Variants in MRPL42 observed in about 807,000 individuals in gnomAD.
MRPL42 encodes large ribosomal subunit protein mL42.
MRPL42 carries 17 observed loss-of-function variants against 17.9 expected under a neutral mutation model. That is an observed-to-expected ratio of 0.95 (90% confidence interval 0.65 to 1.42). The LOEUF (loss-of-function observed/expected upper bound fraction) is 1.42, where lower values mean the gene tolerates loss of function less well. MRPL42 is among the 40% of genes most tolerant of loss of function. The probability of loss-of-function intolerance (pLI) is 0.00; values close to 1 mark genes in which losing one functional copy is unlikely to be tolerated. For missense variants in MRPL42, 177 were observed against 175.2 expected (o/e 1.01, Z -0.06); for synonymous variants, 59 against 54.4 (o/e 1.08, Z -0.37).
At chr12:93,491,358 T>C (rs933320661) in intron 5 of MRPL42, among the ~76,000 whole-genome samples, 1 of 152,242 alleles carries the variant, frequency 6.6e-6, no homozygotes, top group Admixed American at 6.5e-5. Flanking sequence ...CATCTTTTCA[T>C]GTGCTTATTG....
rs1024821537 is a variant in MRPL42 at position 93,510,462 on chromosome 12, A to G, written c.*9241A>G. Reference sequence around the variant, plus strand: ...TTTCAACTCCTTTGGGTAAATACCAAAGAGCACAATTGTTGGATTGAATGC... The same window carrying G: ...TTTCAACTCCTTTGGGTAAATACCAGAGAGCACAATTGTTGGATTGAATGC... On this transcript the variant is annotated 3_prime_UTR_variant, in exon 6 of 6. Transcript: ENST00000549982. The G allele has an allele frequency of 6.6e-6, 1 of 152,242 alleles. No homozygotes were observed. Among genetic ancestry groups the G allele is most frequent in the Non-Finnish European group, 1.5e-5 (1 of 68,050 alleles). The allele number at this position is 152,242 out of a possible 1,614,324, so 9.4% of individuals were successfully genotyped here.
At chr12:93,476,808 G>A (rs995348907) in intron 2 of MRPL42, 146 bp from the exon 3 acceptor site, 10 of 696,846 alleles carry the variant, frequency 1.4e-5, no homozygotes, top group Non-Finnish European at 2.5e-5. Flanking sequence ...ACTGAGTCTT[G>A]TTTGTTGTTG....
rs1296927601 is a variant in MRPL42, at chr12:93,513,245, G to A, written c.*12024G>A. 7.0e-6 allele frequency: 1 copy of A among 142,800 alleles called. No homozygotes were observed. Among genetic ancestry groups the A allele is most frequent in the Non-Finnish European group, 1.5e-5 (1 of 66,790 alleles). The allele number at this position is 142,800 out of a possible 1,614,324, so 8.8% of individuals were successfully genotyped here. ...CTCATTCATTTTATTGCCCAGGCTG[G>A]AGTGCAGTGGTGCAATCGTAGCTCA... On this transcript the variant is annotated 3_prime_UTR_variant, in exon 6 of 6. Transcript: ENST00000549982.
At position 93,501,157 on chromosome 12, in the gene MRPL42, G is replaced by A; in HGVS notation, c.384-19G>A. The A allele has an allele frequency of 6.4e-7, 1 of 1,561,154 alleles. No individual in the cohort carries two copies. The highest frequency in any genetic ancestry group is 8.7e-7 in the Non-Finnish European group (1 of 1,151,098). On this transcript the variant is annotated intron_variant, in intron 5 of 5. Coordinates refer to ENST00000549982, the MANE Select transcript of MRPL42 (RefSeq NM_014050.4). The stretch of plus-strand genomic sequence containing the variant: ...TTTTATTAAAATCATCTTATTCCAA[G>A]TATTTTCTTCTTTTCAAGGTATCAC...
chr12:93,476,283 T>G (rs1043213703), intron 2 of MRPL42, among the ~76,000 whole-genome samples: 2 of 151,956 alleles, frequency 1.3e-5, no homozygotes, highest in Non-Finnish European at 2.9e-5. Context: ...GCCTCCTGGG[T>G]TCGAGCAATT....
intron 5 of MRPL42, among the ~76,000 whole-genome samples, chr12:93,491,234 A>T (rs1341684273): frequency 1.3e-5 from 2 of 152,218 alleles, no homozygotes; most frequent in East Asian, 3.8e-4. Flanking sequence ...ATGCAGAAGT[A>T]TTTAAAATAT....
rs1485014173 is a variant in MRPL42 at position 93,487,540 on chromosome 12, A to G, written c.263A>G (p.His88Arg). ...CCTGTGCATAATAATGAAGAAACACATGATCAAGTGCTGAAAACCAGATTG... is the reference window on the plus strand; with the variant it reads ...CCTGTGCATAATAATGAAGAAACACGTGATCAAGTGCTGAAAACCAGATTG... Reference protein sequence around the residue: ...PDPVHNNEETHDQVLKTRLEE... With the variant: ...PDPVHNNEETRDQVLKTRLEE... The change falls in exon 5 of 6, where the codon CAT becomes CGT. Residue 88 changes from histidine to arginine, a missense_variant. By Grantham distance (29) the His-to-Arg change is conservative (BLOSUM62 0). Coordinates refer to ENST00000549982, the MANE Select transcript of MRPL42 (RefSeq NM_014050.4). 1.2e-6 allele frequency: 2 copies of G among 1,613,964 alleles called. No homozygotes were observed. The highest frequency in any genetic ancestry group is 1.7e-6 in the Non-Finnish European group (2 of 1,179,856).
At chr12:93,499,743 A>C (rs539795490) in intron 5 of MRPL42, among the ~76,000 whole-genome samples, 2 of 152,282 alleles carry the variant, frequency 1.3e-5, no homozygotes, top group East Asian at 3.9e-4. Flanking sequence ...CGTTCATTTC[A>C]ACTTAATTCC....
Position 93,477,035 on chromosome 12 carries a change from A to G in MRPL42, c.134+18A>G, listed in dbSNP as rs375874469. On this transcript the variant is annotated intron_variant, in intron 3 of 5. Coordinates refer to ENST00000549982, the MANE Select transcript of MRPL42 (RefSeq NM_014050.4). Reference sequence around the variant, plus strand: ...TATAATTGGTATGTATTAAAATTCAATTGAAGAAATAATAGTCTTAGCTAT... The same window carrying G: ...TATAATTGGTATGTATTAAAATTCAGTTGAAGAAATAATAGTCTTAGCTAT... 106 of 1,514,562 alleles carry G rather than the reference A, an allele frequency of 7.0e-5. No homozygotes were observed. Among genetic ancestry groups the G allele is most frequent in the African/African-American group, 5.2e-4 (38 of 72,418 alleles). 93.8% of individuals were successfully genotyped at this position (1,514,562 alleles called of 1,614,324 possible). A position where few individuals can be genotyped will look rare whatever the true frequency, so the allele number is the denominator to read the frequency against.
intron 4 of MRPL42, among the ~76,000 whole-genome samples, chr12:93,484,142 C>CT (rs1381251198): frequency 1.3e-5 from 2 of 151,910 alleles, no homozygotes; most frequent in South Asian, 2.1e-4. Flanking sequence ...TTACAATTGA[C>CT]TTTTTTTTAA....
In MRPL42 at chr12:93,509,203, A is replaced by AAAC. The variant is rs398020647; in HGVS notation, c.*7982_*7983insAAC. The AAAC allele has an allele frequency of 6.6e-6, 1 of 151,084 alleles. No individual in the cohort carries two copies. The highest frequency in any genetic ancestry group is 1.5e-5 in the Non-Finnish European group (1 of 67,706). The allele number at this position is 151,084 out of a possible 1,614,324, so 9.4% of individuals were successfully genotyped here. A position where few individuals can be genotyped will look rare whatever the true frequency, so the allele number is the denominator to read the frequency against. ...ATTCCGTCTCAAAAAAAAAAAAAAA[A>AAAC]CTGCCAAAACGCTTTTTGCAAAGTG... On this transcript the variant is annotated 3_prime_UTR_variant, in exon 6 of 6. Coordinates refer to ENST00000549982, the MANE Select transcript of MRPL42 (RefSeq NM_014050.4).
At chr12:93,490,637 TTGTC>T (rs751534388) in intron 5 of MRPL42, among the ~76,000 whole-genome samples, 60 of 152,350 alleles carry the variant, frequency 3.9e-4, no homozygotes, top group Non-Finnish European at 7.1e-4. Context: ...TTCTTTCTTT[TTGTC>T]TGTCTATCTG....
At position 93,506,093 on chromosome 12, in the gene MRPL42, A is replaced by T. The variant is rs1036003931; in HGVS notation, c.*4872A>T. The T allele has an allele frequency of 6.6e-6, 1 of 151,128 alleles. No homozygotes were observed. Among genetic ancestry groups the T allele is most frequent in the African/African-American group, 2.4e-5 (1 of 40,968 alleles). 9.4% of individuals were successfully genotyped at this position (151,128 alleles called of 1,614,324 possible). A position where few individuals can be genotyped will look rare whatever the true frequency, so the allele number is the denominator to read the frequency against. On this transcript the variant is annotated 3_prime_UTR_variant, in exon 6 of 6. Coordinates refer to ENST00000549982, the MANE Select transcript of MRPL42 (RefSeq NM_014050.4). ...GAGCGTGCACCAGCATGCCTGGCTGATTTTTTGTATTTTCAGTAGAGATGG... is the reference window on the plus strand; with the variant it reads ...GAGCGTGCACCAGCATGCCTGGCTGTTTTTTTGTATTTTCAGTAGAGATGG...
rs949111877 is a variant in MRPL42 at position 93,515,785 on chromosome 12, A to G, written c.*14564A>G. On this transcript the variant is annotated 3_prime_UTR_variant, in exon 6 of 6. Transcript: ENST00000549982. The stretch of plus-strand genomic sequence containing the variant: ...CACAGCTAGGCTATGTTATTTTCCT[A>G]TTGGGCATAAGTCTCACAGAATACC... The G allele has an allele frequency of 6.6e-6, 1 of 152,162 alleles. No homozygotes were observed. Among genetic ancestry groups the G allele is most frequent in the African/African-American group, 2.4e-5 (1 of 41,418 alleles). The allele number at this position is 152,162 out of a possible 1,614,324, so 9.4% of individuals were successfully genotyped here.
chr12:93,503,796 A>G lies in MRPL42; in HGVS notation c.*2575A>G, dbSNP rs908415978. On this transcript the variant is annotated 3_prime_UTR_variant, in exon 6 of 6. Transcript: ENST00000549982. ...TATGCTGTTTTGTAATGCTTTTTTC[A>G]CTTAATAGGAATTTTTTCCGTATCA... 6.6e-6 allele frequency: 1 copy of G among 151,718 alleles called. No homozygotes were observed. Among genetic ancestry groups the G allele is most frequent in the Non-Finnish European group, 1.5e-5 (1 of 67,940 alleles). The allele number at this position is 151,718 out of a possible 1,614,324, so 9.4% of individuals were successfully genotyped here. A position where few individuals can be genotyped will look rare whatever the true frequency, so the allele number is the denominator to read the frequency against.
At chr12:93,480,024 T>A (rs1055529144) in intron 4 of MRPL42, among the ~76,000 whole-genome samples, 17 of 152,108 alleles carry the variant, frequency 1.1e-4, no homozygotes, top group African/African-American at 3.6e-4. Flanking sequence ...GTATTGTTTT[T>A]AATATAATTT....
intron 5 of MRPL42, among the ~76,000 whole-genome samples, chr12:93,492,236 A>G (rs1206753330): frequency 2.6e-5 from 4 of 152,204 alleles, no homozygotes; most frequent in Admixed American, 2.0e-4. Context: ...ATTCCCACCA[A>G]TAGTATGTAA....
At chr12:93,471,513 C>T (rs375280877) in intron 2 of MRPL42, among the ~76,000 whole-genome samples, 1 of 151,976 alleles carries the variant, frequency 6.6e-6, no homozygotes, top group Non-Finnish European at 1.5e-5. Context: ...TTGGCCAAAA[C>T]TGGTCTCAAA....
rs563450670 is a variant in MRPL42 at position 93,504,679 on chromosome 12, T to C, written c.*3458T>C. 1.3e-5 allele frequency: 2 copies of C among 152,314 alleles called. No individual in the cohort carries two copies. The highest frequency in any genetic ancestry group is 4.8e-5 in the African/African-American group (2 of 41,570). The allele number at this position is 152,314 out of a possible 1,614,324, so 9.4% of individuals were successfully genotyped here. On this transcript the variant is annotated 3_prime_UTR_variant, in exon 6 of 6. Transcript: ENST00000549982. The stretch of plus-strand genomic sequence containing the variant: ...TTTCCTTTGCAGCCCTTTACCATAA[T>C]GTGTTTCTTCTACCTCCCCTGCACA...
Sources: gnomAD v4.1 joint callset for allele counts (sites outside exome capture counted in the v4.1 genomes callset) on GRCh38, gnomAD v4.1.1 for gene constraint, MANE v1.5 for transcripts, NCBI Gene and HGNC (gene_info 2026-07-23, HGNC 2026-07-21) for gene names.